CFAP61: variants seen among roughly 807,000 people sequenced by gnomAD.
CFAP61 encodes cilia- and flagella-associated protein 61.
A neutral mutation model predicts 135.6 loss-of-function variants in CFAP61; 107 were observed. The observed-to-expected ratio is 0.79, with a 90% CI of 0.67 to 0.93. CFAP61 has a LOEUF of 0.93. Ranked by LOEUF, CFAP61 falls within the 40% of genes least tolerant of loss-of-function variation. The probability of loss-of-function intolerance (pLI) is 0.00; values close to 1 mark genes in which losing one functional copy is unlikely to be tolerated. For synonymous variants in CFAP61, 575 were observed against 578.5 expected (o/e 0.99, Z 0.09); for missense variants, 1,507 against 1,556.2 (o/e 0.97, Z 0.53).
intron 9 of CFAP61, among the ~76,000 whole-genome samples, chr20:20,148,793 C>G (rs905285869): frequency 6.6e-6 from 1 of 152,112 alleles, no homozygotes; most frequent in Non-Finnish European, 1.5e-5. Flanking sequence ...ATTTCTTTCT[C>G]TTGTTTGATT....
chr20:20,096,104 A>G (rs1256012469), intron 7 of CFAP61, among the ~76,000 whole-genome samples: 1 of 152,208 alleles, frequency 6.6e-6, no homozygotes. Context: ...GATAGATAAC[A>G]GCCAGCAATC....
chr20:20,110,775 G>T (rs1008146820), intron 8 of CFAP61, among the ~76,000 whole-genome samples: 1 of 152,132 alleles, frequency 6.6e-6, no homozygotes, highest in African/African-American at 2.4e-5. Flanking sequence ...CTCCAAGCAC[G>T]AGGCCCATAC....
chr20:20,106,866 C>A (rs752937109), intron 8 of CFAP61, among the ~76,000 whole-genome samples: 1 of 152,038 alleles, frequency 6.6e-6, no homozygotes, highest in Non-Finnish European at 1.5e-5. Flanking sequence ...AAAAAAAATC[C>A]GTGTTTAAAA....
intron 16 of CFAP61, among the ~76,000 whole-genome samples, chr20:20,197,400 C>T (rs934443260): frequency 1.3e-5 from 2 of 152,160 alleles, no homozygotes; most frequent in African/African-American, 4.8e-5. Context: ...ACTTGCATAC[C>T]TCCCATCCCA....
chr20:20,224,574 T>C (rs867637756), intron 17 of CFAP61, among the ~76,000 whole-genome samples: 5 of 152,288 alleles, frequency 3.3e-5, no homozygotes, highest in Middle Eastern at 6.8e-3. Context: ...TGTTGATCTC[T>C]ACACTTAAAA....
intron 22 of CFAP61, among the ~76,000 whole-genome samples, chr20:20,281,732 T>C (rs531397216): frequency 6.6e-6 from 1 of 152,348 alleles, no homozygotes; most frequent in South Asian, 2.1e-4. Flanking sequence ...GTTTCAGTAA[T>C]GTCCTTGTAA....
At chr20:20,245,376 G>C (rs1488541699) in intron 18 of CFAP61, among the ~76,000 whole-genome samples, 1 of 152,188 alleles carries the variant, frequency 6.6e-6, no homozygotes, top group Non-Finnish European at 1.5e-5. Flanking sequence ...AAGGCAAAGA[G>C]GAACAAGTCA....
chr20:20,268,211 C>T (rs2052957720), intron 21 of CFAP61, among the ~76,000 whole-genome samples: 1 of 152,186 alleles, frequency 6.6e-6, no homozygotes, highest in South Asian at 2.1e-4. Context: ...GAGCCAAGGA[C>T]AGTGAAAAAT....
rs955203293 is a variant in CFAP61 at position 20,241,324 on chromosome 20, G to A, written c.2061-4793G>A. 8.7e-4 allele frequency among the ~76,000 whole-genome samples: 132 copies of A among 152,172 alleles called. 1 individual carries two copies. The highest frequency in any genetic ancestry group is 1.2e-4 in the Non-Finnish European group (8 of 68,036). ...TACAGTAGAGAACTTGAAGGTTGGAGAAAGGCCCAGAACAGCAACAATGAA... is the reference window on the plus strand; with the variant it reads ...TACAGTAGAGAACTTGAAGGTTGGAAAAAGGCCCAGAACAGCAACAATGAA... On this transcript the variant is annotated intron_variant, in intron 18 of 26. Coordinates refer to ENST00000245957, the MANE Select transcript of CFAP61 (RefSeq NM_015585.4).
At chr20:20,226,041 A>G (rs562321038) in intron 17 of CFAP61, 1 of 152,338 alleles carries the variant, frequency 6.6e-6, no homozygotes, top group East Asian at 1.9e-4. Flanking sequence ...TTTAGAAACT[A>G]TATCAATCTA....
At chr20:20,202,635 T>C (rs186060920) in intron 17 of CFAP61, among the ~76,000 whole-genome samples, 1 of 152,358 alleles carries the variant, frequency 6.6e-6, no homozygotes, top group Admixed American at 6.5e-5. Context: ...AATCTCAGTA[T>C]AGCCCTCAAG....
intron 25 of CFAP61, among the ~76,000 whole-genome samples, chr20:20,320,706 G>A (rs6136992): frequency 0.28 from 41,880 of 147,378 alleles, 6,317 homozygotes; most frequent in South Asian, 0.4. Flanking sequence ...GATGATGGGA[G>A]CTCATTATAG....
At chr20:20,128,274 A>C (rs1480200402) in intron 8 of CFAP61, among the ~76,000 whole-genome samples, 1 of 150,012 alleles carries the variant, frequency 6.7e-6, no homozygotes, top group Non-Finnish European at 1.5e-5. Context: ...GTTTTTCCCC[A>C]CTCCTCTGGC....
chr20:20,125,400 G>A (rs1328284515), intron 8 of CFAP61, among the ~76,000 whole-genome samples: 1 of 151,496 alleles, frequency 6.6e-6, no homozygotes, highest in East Asian at 1.9e-4. Context: ...TATCTCAGAG[G>A]TTTTGATAGG....
chr20:20,331,381 A>G (rs2057986239), intron 25 of CFAP61, among the ~76,000 whole-genome samples: 1 of 152,202 alleles, frequency 6.6e-6, no homozygotes, highest in Non-Finnish European at 1.5e-5. Flanking sequence ...GACAAAAAAA[A>G]GTGAAGAAAC....
chr20:20,282,058 T>G (rs374686991), intron 22 of CFAP61, among the ~76,000 whole-genome samples: 1 of 152,210 alleles, frequency 6.6e-6, no homozygotes, highest in Non-Finnish European at 1.5e-5. Flanking sequence ...GTTTTTCACA[T>G]ATTATTTTGT....
intron 20 of CFAP61, among the ~76,000 whole-genome samples, chr20:20,258,841 A>G (rs1024933426): frequency 2.6e-5 from 4 of 152,330 alleles, no homozygotes; most frequent in African/African-American, 7.2e-5. Context: ...GGTCACTGCC[A>G]TTGGCATCCC....
intron 25 of CFAP61, among the ~76,000 whole-genome samples, chr20:20,318,692 T>C (rs1421621224): frequency 6.6e-6 from 1 of 152,216 alleles, no homozygotes; most frequent in South Asian, 2.1e-4. Flanking sequence ...GAAAAGTTCC[T>C]GGGGAAGGAC....
At chr20:20,129,648 CT>C (rs2050356984) in intron 8 of CFAP61, among the ~76,000 whole-genome samples, 1 of 151,042 alleles carries the variant, frequency 6.6e-6, no homozygotes, top group East Asian at 1.9e-4. Flanking sequence ...CTTTCTACCC[CT>C]ATTCTTGCTC....
Sources: gnomAD v4.1 joint callset for allele counts (sites outside exome capture counted in the v4.1 genomes callset) on GRCh38, gnomAD v4.1.1 for gene constraint, MANE v1.5 for transcripts, NCBI Gene and HGNC (gene_info 2026-07-23, HGNC 2026-07-21) for gene names.